The following RAPH1 variants were observed in gnomAD, a reference collection of about 807,000 sequenced individuals.
RAPH1 encodes ras-associated and pleckstrin homology domains-containing protein 1.
RAPH1 carries 18 observed loss-of-function variants against 88.1 expected under a neutral mutation model. That is an observed-to-expected ratio of 0.20 (90% confidence interval 0.14 to 0.30). RAPH1 has a LOEUF of 0.30. Ranked by LOEUF, RAPH1 falls within the 10% of genes least tolerant of loss-of-function variation. RAPH1 has a pLI of 1.00. For synonymous variants in RAPH1, 587 were observed against 559.0 expected, an observed-to-expected ratio of 1.05 and a Z score of -0.71; for missense variants, 1,448 against 1,543.2, an observed-to-expected ratio of 0.94 and a Z score of 1.03.
Position 203,434,179 on chromosome 2 carries a change from A to ATCT in RAPH1, c.*5255_*5257dup, listed in dbSNP as rs1441297155. On this transcript the variant is annotated 3_prime_UTR_variant, in exon 14 of 14. Coordinates refer to ENST00000319170, the MANE Select transcript of RAPH1 (RefSeq NM_213589.3). The stretch of plus-strand genomic sequence containing the variant: ...AAGCTGCGAGAAAAATTGTAACTTC[A>ATCT]TCTTCACTGAGCTGTGCATAATCCT... 6.6e-6 allele frequency: 1 copy of ATCT among 152,510 alleles called. No homozygotes were observed. The highest frequency in any genetic ancestry group is 6.6e-5 in the Admixed American group (1 of 15,250). The allele number at this position is 152,510 out of a possible 1,614,324, so 9.4% of individuals were successfully genotyped here.
chr2:203,489,537 CTTTAT>C lies in RAPH1; in HGVS notation c.732+42_732+46del, dbSNP rs926366585. The C allele has an allele frequency of 3.8e-6, 5 of 1,331,386 alleles. No individual in the cohort carries two copies. The African/African-American group carries it at 7.3e-5, about 19-fold the overall frequency. The allele number at this position is 1,331,386 out of a possible 1,614,324, so 82.5% of individuals were successfully genotyped here. A position where few individuals can be genotyped will look rare whatever the true frequency, so the allele number is the denominator to read the frequency against. ...TAAAATTATTTTAATATAATTTCTC[CTTTAT>C]TTTAATAACAAAATACCAGGGAAAA... On this transcript the variant is annotated intron_variant, in intron 4 of 13. Coordinates refer to ENST00000319170, the MANE Select transcript of RAPH1 (RefSeq NM_213589.3).
At chr2:203,490,129 T>C (rs774096036) in intron 3 of RAPH1, 40 bp from the exon 4 acceptor site, 1 of 1,514,928 alleles carries the variant, frequency 6.6e-7, no homozygotes, top group Non-Finnish European at 8.9e-7. Context: ...AATTTATACA[T>C]TCTATTATAA....
In RAPH1 at chr2:203,489,591, A is replaced by G. The variant is rs1181448263; in HGVS notation, c.725T>C (p.Ile242Thr). 6.6e-7 allele frequency: 1 copy of G among 1,514,564 alleles called. No individual in the cohort carries two copies. The highest frequency in any genetic ancestry group is 2.3e-5 in the East Asian group (1 of 43,618). 93.8% of individuals were successfully genotyped at this position (1,514,564 alleles called of 1,614,324 possible). ...ELDLTHQGQP[I>T]TEEEQAAKLK... ...AAAGTTCCATTTATTTACCTCAGTA[A>G]TTGGCTGCCCTTGATGTGTCAAATC... Residue 242 changes from isoleucine to threonine, a missense_variant, in exon 4 of 14, where the codon ATT (isoleucine) becomes ACT (threonine). This residue lies in a region of RAPH1 where 513 missense variants were observed against 653.1 expected (regional missense o/e 0.79). Transcript: ENST00000319170.
chr2:203,476,203 G>A (rs540644908), intron 4 of RAPH1, among the ~76,000 whole-genome samples: 2 of 152,144 alleles, frequency 1.3e-5, no homozygotes, highest in East Asian at 3.9e-4. Flanking sequence ...CACTCAGGCT[G>A]GAGTACAGTG....
intron 7 of RAPH1, among the ~76,000 whole-genome samples, chr2:203,459,640 A>G (rs150691967): frequency 1.4e-3 from 207 of 152,310 alleles, no homozygotes; most frequent in African/African-American, 4.8e-3. Flanking sequence ...GTAACTCACT[A>G]GAGCTATACT....
At chr2:203,490,698 G>A (rs1469990438) in intron 3 of RAPH1, among the ~76,000 whole-genome samples, 1 of 152,092 alleles carries the variant, frequency 6.6e-6, no homozygotes, top group Non-Finnish European at 1.5e-5. Flanking sequence ...GTTCTAGTTT[G>A]CTTTTCTCTG....
chr2:203,491,606 C>T (rs916406100), intron 2 of RAPH1, among the ~76,000 whole-genome samples: 7 of 152,100 alleles, frequency 4.6e-5, no homozygotes, highest in Admixed American at 2.0e-4. Flanking sequence ...CTGCAACCTC[C>T]GCCTCCCGGG....
Position 203,439,162 on chromosome 2 carries a change from G to T in RAPH1, c.*275C>A. The T allele has an allele frequency of 2.9e-6, 1 of 341,502 alleles. No individual in the cohort carries two copies. Among genetic ancestry groups the T allele is most frequent in the Non-Finnish European group, 5.4e-6 (1 of 185,540 alleles). The allele number at this position is 341,502 out of a possible 1,614,324, so 21.2% of individuals were successfully genotyped here. A position where few individuals can be genotyped will look rare whatever the true frequency, so the allele number is the denominator to read the frequency against. On this transcript the variant is annotated 3_prime_UTR_variant, in exon 14 of 14. Coordinates refer to ENST00000319170, the MANE Select transcript of RAPH1 (RefSeq NM_213589.3). ...CTATGCCTCTTCCACCCAAAATACA[G>T]AACACCCATTTTCAGATTAGGAGAG... is the stretch of plus-strand genomic sequence containing the variant.
chr2:203,469,450 C>T (rs181689252), intron 4 of RAPH1, among the ~76,000 whole-genome samples: 1 of 152,218 alleles, frequency 6.6e-6, no homozygotes, highest in East Asian at 1.9e-4. Context: ...CATAAATGTA[C>T]AAGGTTAGAA....
chr2:203,440,849 G>A lies in RAPH1; in HGVS notation c.2341C>T (p.Pro781Ser). 1 of 989,510 alleles carries A rather than the reference G, an allele frequency of 1.0e-6. No individual in the cohort carries two copies. The highest frequency in any genetic ancestry group is 1.4e-6 in the Non-Finnish European group (1 of 692,530). The allele number at this position is 989,510 out of a possible 1,614,324, so 61.3% of individuals were successfully genotyped here. Residue 781 changes from proline to serine, a missense_variant, in exon 14 of 14, where the codon CCC becomes TCC. Pro to Ser is a moderately conservative substitution (Grantham distance 74). Coordinates refer to ENST00000319170, the MANE Select transcript of RAPH1 (RefSeq NM_213589.3). ...GTTGGTGCGGGGATGGTCACAAGGGGTTTTGGGGGAGCTTGGGGAGGGAGG... is the reference window on the plus strand; with the variant it reads ...GTTGGTGCGGGGATGGTCACAAGGGATTTTGGGGGAGCTTGGGGAGGGAGG... ...APLPPQAPPKPLVTIPAPTST... is the reference protein window; with the variant it reads ...APLPPQAPPKSLVTIPAPTST...
At chr2:203,458,240 G>T (rs935567169) in intron 7 of RAPH1, among the ~76,000 whole-genome samples, 1 of 152,064 alleles carries the variant, frequency 6.6e-6, no homozygotes, top group Non-Finnish European at 1.5e-5. Context: ...GTGGCAGCAC[G>T]CACCTGTAGT....
At chr2:203,481,568 AAT>A (rs60650703) in intron 4 of RAPH1, among the ~76,000 whole-genome samples, 24,788 of 137,818 alleles carry the variant, frequency 0.18, 2,429 homozygotes, top group African/African-American at 0.28. Flanking sequence ...TAAATAGATG[AAT>A]ATATATATAT....
chr2:203,476,983 A>C (rs917785520), intron 4 of RAPH1: 1 of 895,726 alleles, frequency 1.1e-6, no homozygotes, highest in Admixed American at 2.4e-5. Flanking sequence ...TATTTGAAAA[A>C]CTGAAGTTAT....
intron 2 of RAPH1, 24 bp from the exon 3 acceptor site, chr2:203,491,343 G>C: frequency 6.9e-7 from 1 of 1,440,960 alleles, no homozygotes; most frequent in Non-Finnish European, 9.6e-7. Context: ...AAGTTTAATA[G>C]TCATATTAAA....
chr2:203,501,585 T>G (rs1190161355), intron 1 of RAPH1, among the ~76,000 whole-genome samples: 3 of 152,132 alleles, frequency 2.0e-5, no homozygotes, highest in African/African-American at 7.2e-5. Flanking sequence ...CTGGGCCACA[T>G]GGCGAGACCT....
chr2:203,491,385 GTTTGT>G, intron 2 of RAPH1, 66 bp from the exon 3 acceptor site: 1 of 1,140,698 alleles, frequency 8.8e-7, no homozygotes, highest in East Asian at 2.6e-5. Flanking sequence ...AAAAGATGAA[GTTTGT>G]TTTATGATTA....
rs1460291745 is a variant in RAPH1 at position 203,440,564 on chromosome 2, G to T, written c.2626C>A (p.Pro876Thr). 1.3e-6 allele frequency: 2 copies of T among 1,550,070 alleles called. No individual in the cohort carries two copies. The highest frequency in any genetic ancestry group is 1.7e-6 in the Non-Finnish European group (2 of 1,147,888). ...TTTAAGGGCTGAGATTCCATGGCAGGGGGAGTTGGAGGGGGTGGAAACTGG... is the reference window on the plus strand; with the variant it reads ...TTTAAGGGCTGAGATTCCATGGCAGTGGGAGTTGGAGGGGGTGGAAACTGG... ...ASQFPPPPTP[P>T]AMESQPLKPV... Residue 876 changes from proline to threonine, a missense_variant, in exon 14 of 14, where the codon CCT (proline) becomes ACT (threonine). Pro to Thr is a conservative substitution (Grantham distance 38, BLOSUM62 -1). Around this residue, in one of 2 missense-constraint regions of RAPH1, gnomAD observed 935 missense variants for 890.1 expected, o/e 1.05. Transcript: ENST00000319170.
chr2:203,513,564 G>A (rs13033802), intron 1 of RAPH1, among the ~76,000 whole-genome samples: 9,771 of 146,318 alleles, frequency 0.067, 551 homozygotes, highest in African/African-American at 0.15. Flanking sequence ...GGCCAGGCGC[G>A]GTGGCTCACA....
intron 4 of RAPH1, among the ~76,000 whole-genome samples, chr2:203,470,952 C>A (rs2098532510): frequency 6.6e-6 from 1 of 152,110 alleles, no homozygotes; most frequent in Non-Finnish European, 1.5e-5. Context: ...ATGACATGAA[C>A]AAAATATTCA....
Sources: gnomAD v4.1 joint callset for allele counts (sites outside exome capture counted in the v4.1 genomes callset) on GRCh38, gnomAD v4.1.1 for gene constraint, gnomAD v4.1.1 regional missense constraint, MANE v1.5 for transcripts, NCBI Gene and HGNC (gene_info 2026-07-23, HGNC 2026-07-21) for gene names.